NPAT: variants seen among roughly 807,000 people sequenced by gnomAD.
The protein encoded by NPAT is protein NPAT.
Under a neutral mutation model 130.7 loss-of-function variants are expected in NPAT, and 52 were observed. The observed-to-expected ratio is 0.40, with a 90% CI of 0.32 to 0.50. NPAT has a LOEUF of 0.50. Among genes scored for constraint, NPAT ranks in the 20% least tolerant of loss-of-function variants. The pLI, the probability that NPAT is intolerant of heterozygous loss-of-function variation, is 0.68. For synonymous variants in NPAT, 580 were observed against 584.8 expected (o/e 0.99, Z 0.12); for missense variants, 1,687 against 1,662.6 (o/e 1.01, Z -0.26).
chr11:108,209,188 G>A (rs1214965746), intron 1 of NPAT, among the ~76,000 whole-genome samples: 1 of 152,198 alleles, frequency 6.6e-6, no homozygotes. Context: ...GCTGAGGCAG[G>A]AGAACTGCGT....
chr11:108,197,240 A>T, intron 2 of NPAT, 62 bp downstream of exon 2: 4 of 1,166,670 alleles, frequency 3.4e-6, no homozygotes, highest in Non-Finnish European at 3.9e-6. Flanking sequence ...AGCTGATTTT[A>T]TGACTATGTT....
Position 108,189,064 on chromosome 11 carries a change from T to C in NPAT, c.556+42A>G, listed in dbSNP as rs779988644. 6.7e-6 allele frequency: 10 copies of C among 1,491,788 alleles called. No individual in the cohort carries two copies. The African/African-American group carries it at 9.7e-5, about 14-fold the overall frequency. The allele number at this position is 1,491,788 out of a possible 1,614,324, so 92.4% of individuals were successfully genotyped here. On this transcript the variant is annotated intron_variant, in intron 6 of 17. Transcript: ENST00000278612. ...TAGTATATTATCTCATTCATACAAT[T>C]TGATTAACAACAAAATTTAAGAGAA...
intron 1 of NPAT, among the ~76,000 whole-genome samples, chr11:108,216,739 A>G (rs1186870737): frequency 1.3e-5 from 2 of 152,208 alleles, no homozygotes; most frequent in Non-Finnish European, 1.5e-5. Flanking sequence ...GTTAAAAGCT[A>G]GATTACCTCT....
At chr11:108,210,682 T>C (rs2078375849) in intron 1 of NPAT, among the ~76,000 whole-genome samples, 1 of 152,190 alleles carries the variant, frequency 6.6e-6, no homozygotes, top group Non-Finnish European at 1.5e-5. Context: ...ACAGAAAATC[T>C]GAACAGACCT....
In NPAT at chr11:108,172,238, A is replaced by G. The variant is rs572521227; in HGVS notation, c.2746T>C (p.Phe916Leu). The G allele has an allele frequency of 1.4e-4, 232 of 1,614,082 alleles. 4 individuals carry two copies. The South Asian group carries it at 2.4e-3, about 17-fold the overall frequency. The change falls in exon 13 of 18, where the codon TTT (phenylalanine) becomes CTT (leucine). Residue 916 changes from phenylalanine (F) to leucine (L), a missense_variant. Transcript: ENST00000278612. ...GGTGACACAGCTTGGTTGACAGCAAATACACTGTTTGACCTTGGTGGTGTC... is the reference window on the plus strand; with the variant it reads ...GGTGACACAGCTTGGTTGACAGCAAGTACACTGTTTGACCTTGGTGGTGTC... Reference protein sequence around the residue: ...LQTPPRSNSVFAVNQAVSPNF... With the variant: ...LQTPPRSNSVLAVNQAVSPNF...
chr11:108,171,843 A>G, intron 13 of NPAT: 1 of 192,218 alleles, frequency 5.2e-6, no homozygotes, highest in South Asian at 1.1e-4. Flanking sequence ...AATTCCCTGA[A>G]GACCATGACT....
intron 1 of NPAT, among the ~76,000 whole-genome samples, chr11:108,202,666 G>C (rs1221945424): frequency 6.6e-6 from 1 of 152,154 alleles, no homozygotes; most frequent in Non-Finnish European, 1.5e-5. Flanking sequence ...TAATGCTTGT[G>C]AGACTTGCCT....
chr11:108,217,978 G>T lies in NPAT; in HGVS notation c.37+4522C>A, dbSNP rs186424161. Among the ~76,000 whole-genome samples, 295 of 152,214 alleles carry T rather than the reference G, an allele frequency of 1.9e-3. 1 individual carries two copies. The highest frequency in any genetic ancestry group is 3.5e-3 in the Non-Finnish European group (235 of 67,996). On this transcript the variant is annotated intron_variant, in intron 1 of 17. Transcript: ENST00000278612. ...GCTGCACCCAGCCTGGATGACAAGA[G>T]TGCAATTCTGTCTCAAGAAATAAAT...
intron 8 of NPAT, 40 bp from the exon 9 acceptor site, chr11:108,185,534 A>G (rs2078099036): frequency 2.4e-6 from 3 of 1,233,914 alleles, no homozygotes; most frequent in Non-Finnish European, 3.6e-6. Flanking sequence ...GACAATAAAG[A>G]GTATTCTGCT....
intron 7 of NPAT, 47 bp from the exon 8 acceptor site, chr11:108,186,616 G>A (rs1186324647): frequency 6.9e-7 from 1 of 1,440,306 alleles, no homozygotes; most frequent in Non-Finnish European, 9.8e-7. Context: ...ATATTTAACA[G>A]ATTTAAAGAT....
chr11:108,177,539 C>T (rs1003758895), intron 10 of NPAT, among the ~76,000 whole-genome samples: 1 of 152,066 alleles, frequency 6.6e-6, no homozygotes, highest in African/African-American at 2.4e-5. Flanking sequence ...AGCATTCCCC[C>T]ACTCCAAGAA....
chr11:108,173,060 C>A lies in NPAT; in HGVS notation c.1924G>T (p.Val642Phe). 1.2e-6 allele frequency: 2 copies of A among 1,614,064 alleles called. No homozygotes were observed. Among genetic ancestry groups the A allele is most frequent in the Non-Finnish European group, 1.7e-6 (2 of 1,179,998 alleles). Residue 642 changes from valine (V) to phenylalanine (F), a missense_variant, in exon 13 of 18, where the codon GTT becomes TTT. Physicochemically the swap from Val to Phe is conservative, Grantham distance 50. Around this residue, in one of 3 missense-constraint regions of NPAT, gnomAD observed 1,379 missense variants for 1,346.6 expected, o/e 1.02. Transcript: ENST00000278612. ...TCATTTTCTGTATGATTTAACTCAA[C>A]AGATGCTGAATCATTAGATGGTTGT... ...TKQPSNDSASVELNHTENEAQ... is the reference protein window; with the variant it reads ...TKQPSNDSASFELNHTENEAQ...
rs187171477 is a variant in NPAT, at chr11:108,180,417, A to G, written c.907-3327T>C. 1.4e-4 allele frequency among the ~76,000 whole-genome samples: 22 copies of G among 152,366 alleles called. No individual in the cohort carries two copies. The East Asian group carries it at 3.5e-3, about 24-fold the overall frequency. Reference sequence around the variant, plus strand: ...AACAATGAACAAATAACTTAAACAGACATTTATCCAAAAAAGGCATACATG... The same window carrying G: ...AACAATGAACAAATAACTTAAACAGGCATTTATCCAAAAAAGGCATACATG... On this transcript the variant is annotated intron_variant, in intron 10 of 17. Coordinates refer to ENST00000278612, the MANE Select transcript of NPAT (RefSeq NM_002519.3).
Position 108,173,422 on chromosome 11 carries a change from T to C in NPAT, c.1562A>G (p.Asn521Ser). 1 of 1,614,166 alleles carries C rather than the reference T, an allele frequency of 6.2e-7. No individual in the cohort carries two copies. Among genetic ancestry groups the C allele is most frequent in the Non-Finnish European group, 8.5e-7 (1 of 1,180,006 alleles). ...CTTCCCAGAGAGAATTAAGTTTTCATTGTTAGCTTCACAACCAAGTGAAAC... is the reference window on the plus strand; with the variant it reads ...CTTCCCAGAGAGAATTAAGTTTTCACTGTTAGCTTCACAACCAAGTGAAAC... ...SFVSLGCEAN[N>S]ENLILSGKSS... Residue 521 changes from asparagine (N) to serine (S), a missense_variant, in exon 13 of 18, where the codon AAT becomes AGT. Asn to Ser is a conservative substitution (Grantham distance 46, BLOSUM62 1). This residue lies in a region of NPAT where 1,379 missense variants were observed against 1,346.6 expected (regional missense o/e 1.02). Coordinates refer to ENST00000278612, the MANE Select transcript of NPAT (RefSeq NM_002519.3).
intron 1 of NPAT, among the ~76,000 whole-genome samples, chr11:108,216,891 G>A (rs1284252445): frequency 1.3e-5 from 2 of 152,002 alleles, no homozygotes; most frequent in Non-Finnish European, 2.9e-5. Flanking sequence ...GTTTACTTTT[G>A]TCCCAAAAGT....
rs546083816 is a variant in NPAT at position 108,172,038 on chromosome 11, T to C, written c.2785+161A>G. On this transcript the variant is annotated intron_variant, in intron 13 of 17. Transcript: ENST00000278612. The stretch of plus-strand genomic sequence containing the variant: ...GCAGATTAAGAAAAATAAAAAAGGT[T>C]TGAATTAGCTAGCATAAAGAAGCAG... The C allele has an allele frequency of 2.3e-5, 15 of 645,922 alleles. No homozygotes were observed. The South Asian group carries it at 2.7e-4, about 11-fold the overall frequency. 40.0% of individuals were successfully genotyped at this position (645,922 alleles called of 1,614,324 possible).
intron 1 of NPAT, among the ~76,000 whole-genome samples, chr11:108,201,693 C>T (rs1318271756): frequency 2.6e-5 from 4 of 152,332 alleles, no homozygotes; most frequent in Admixed American, 2.0e-4. Flanking sequence ...TTATACTCCA[C>T]ATAATGTGGC....
intron 10 of NPAT, among the ~76,000 whole-genome samples, chr11:108,181,279 C>T (rs567444212): frequency 6.6e-6 from 1 of 152,296 alleles, no homozygotes; most frequent in South Asian, 2.1e-4. Context: ...GCCTGGCCGA[C>T]ATGGCAAAAC....
At chr11:108,209,671 C>T (rs1397956709) in intron 1 of NPAT, among the ~76,000 whole-genome samples, 2 of 152,062 alleles carry the variant, frequency 1.3e-5, no homozygotes, top group African/African-American at 4.8e-5. Context: ...AGGCAGATCA[C>T]GAGGTCAGGA....
Sources: allele counts gnomAD v4.1 joint callset (sites outside exome capture counted in the v4.1 genomes callset), GRCh38; gene constraint gnomAD v4.1.1; regional missense constraint gnomAD v4.1.1; transcripts MANE v1.5; gene names NCBI Gene and HGNC (gene_info 2026-07-23, HGNC 2026-07-21).